Variants in PLEKHG1 observed in about 807,000 individuals in gnomAD.
PLEKHG1 encodes the protein pleckstrin homology domain-containing family G member 1.
PLEKHG1 carries 44 observed loss-of-function variants against 100.8 expected under a neutral mutation model. The ratio of observed to expected loss-of-function variants is 0.44; its 90% CI spans 0.34 to 0.56. PLEKHG1 has a LOEUF of 0.56. PLEKHG1 is among the 20% of genes least tolerant of loss of function. The pLI is 0.01. For missense variants in PLEKHG1, 1,545 were observed against 1,720.9 expected (o/e 0.90, Z 1.81); for synonymous variants, 640 against 662.5 (o/e 0.97, Z 0.52).
chr6:150,716,107 C>CA (rs10592056), upstream of PLEKHG1, among the ~76,000 whole-genome samples: 4,738 of 137,020 alleles, frequency 0.035, 128 homozygotes, highest in African/African-American at 0.086. Context: ...GACTCCGTCT[C>CA]AAAAAAAAAA....
chr6:150,759,957 C>T (rs1327331502), intron 2 of PLEKHG1, among the ~76,000 whole-genome samples: 1 of 152,106 alleles, frequency 6.6e-6, no homozygotes, highest in Non-Finnish European at 1.5e-5. Context: ...GATCAAGCCA[C>T]TGCATTCTCA....
chr6:150,840,287 A>G (rs1282465224), exon 16 of PLEKHG1: 6 of 1,614,086 alleles, frequency 3.7e-6, no homozygotes, highest in African/African-American at 2.7e-5. Flanking sequence ...GGTCCCAGTC[A>G]TCTTCCTCCG....
chr6:150,825,386 T>G (rs73615050), intron 14 of PLEKHG1, among the ~76,000 whole-genome samples: 6,358 of 151,972 alleles, frequency 0.042, 158 homozygotes, highest in African/African-American at 0.073. Flanking sequence ...AGATCAGCCT[T>G]GGCAACATGG....
intron 11 of PLEKHG1, 73 bp downstream of exon 12, chr6:150,818,289 G>A: frequency 8.9e-7 from 1 of 1,126,594 alleles, no homozygotes; most frequent in South Asian, 1.3e-5. Flanking sequence ...CTATCTTAAA[G>A]TTCATGAAAA....
chr6:150,734,944 C>G (rs1782482869), intron 2 of PLEKHG1, among the ~76,000 whole-genome samples: 2 of 149,300 alleles, frequency 1.3e-5, no homozygotes, highest in South Asian at 2.1e-4. Context: ...AACTCACTCT[C>G]AATTGTAGTT....
chr6:150,710,299 C>T (rs1000985942), intron 3 of PLEKHG1, among the ~76,000 whole-genome samples: 1 of 152,220 alleles, frequency 6.6e-6, no homozygotes, highest in Non-Finnish European at 1.5e-5. Context: ...CAAACAGTGG[C>T]CTGACCACTG....
intron 3 of PLEKHG1, among the ~76,000 whole-genome samples, chr6:150,651,648 G>T (rs1349799669): frequency 6.6e-6 from 1 of 151,874 alleles, no homozygotes; most frequent in Non-Finnish European, 1.5e-5. Context: ...CACTTGCGAT[G>T]AGGAGTTCGA....
At chr6:150,818,050 C>G in intron 10 of PLEKHG1, 133 bp from the exon 12 acceptor site, 3 of 741,714 alleles carry the variant, frequency 4.0e-6, no homozygotes, top group Non-Finnish European at 6.9e-6. Flanking sequence ...TGTGTAAATG[C>G]TTAACATAAA....
chr6:150,632,309 T>TA (rs1198913680), intron 1 of PLEKHG1, among the ~76,000 whole-genome samples: 1 of 152,286 alleles, frequency 6.6e-6, no homozygotes, highest in African/African-American at 2.4e-5. Flanking sequence ...GGACTTTTTT[T>TA]AACAGTAGGG....
At chr6:150,818,666 C>T (rs1427737273) in intron 11 of PLEKHG1, among the ~76,000 whole-genome samples, 1 of 152,228 alleles carries the variant, frequency 6.6e-6, no homozygotes, top group Non-Finnish European at 1.5e-5. Flanking sequence ...CACATATGTG[C>T]ATATATTTCT....
intron 3 of PLEKHG1, among the ~76,000 whole-genome samples, chr6:150,694,333 A>G (rs975888013): frequency 6.6e-6 from 1 of 152,182 alleles, no homozygotes; most frequent in African/African-American, 2.4e-5. Context: ...TTTCTCAAGT[A>G]GGGATGATAG....
At chr6:150,611,179 C>CTTTA (rs1258853167) in intron 1 of PLEKHG1, among the ~76,000 whole-genome samples, 2 of 152,186 alleles carry the variant, frequency 1.3e-5, no homozygotes, top group Non-Finnish European at 2.9e-5. Flanking sequence ...TTTATGTCTA[C>CTTTA]TGTATAGTGG....
At chr6:150,615,976 G>A (rs1292075323) in intron 1 of PLEKHG1, among the ~76,000 whole-genome samples, 1 of 152,180 alleles carries the variant, frequency 6.6e-6, no homozygotes, top group Non-Finnish European at 1.5e-5. Flanking sequence ...AATATATGCA[G>A]TTATTTCCAC....
intron 2 of PLEKHG1, among the ~76,000 whole-genome samples, chr6:150,736,556 G>A (rs1782572770): frequency 6.6e-6 from 1 of 152,142 alleles, no homozygotes; most frequent in Non-Finnish European, 1.5e-5. Flanking sequence ...ATCACCTGAG[G>A]TCGGGAGTTC....
intron 3 of PLEKHG1, among the ~76,000 whole-genome samples, chr6:150,782,999 C>G (rs952427141): frequency 6.6e-6 from 1 of 152,046 alleles, no homozygotes; most frequent in East Asian, 1.9e-4. Flanking sequence ...TCATTATGAT[C>G]ATCATCATGG....
At chr6:150,711,521 C>G (rs1380721252) in intron 3 of PLEKHG1, among the ~76,000 whole-genome samples, 1 of 152,108 alleles carries the variant, frequency 6.6e-6, no homozygotes, top group Non-Finnish European at 1.5e-5. Context: ...GATGGGATGT[C>G]TGGTAACTAA....
At chr6:150,633,651 CTG>C (rs1271991613) in intron 1 of PLEKHG1, among the ~76,000 whole-genome samples, 6 of 152,118 alleles carry the variant, frequency 3.9e-5, no homozygotes, top group Non-Finnish European at 7.4e-5. Context: ...AGAAGCCTGA[CTG>C]GGGTCAGAGA....
At chr6:150,731,314 G>C (rs1782240538) in intron 1 of PLEKHG1, among the ~76,000 whole-genome samples, 1 of 152,188 alleles carries the variant, frequency 6.6e-6, no homozygotes, top group Non-Finnish European at 1.5e-5. Flanking sequence ...CTTTAAAAAT[G>C]TGTGGCAAAC....
chr6:150,736,770 A>AAAAAACAAAAAC (rs376473228), intron 2 of PLEKHG1, among the ~76,000 whole-genome samples: 1 of 151,996 alleles, frequency 6.6e-6, no homozygotes, highest in Non-Finnish European at 1.5e-5. Context: ...CTCCATCTTT[A>AAAAAACAAAAAC]AAAAACAAAA....
Sources: gnomAD v4.1 joint callset for allele counts (sites outside exome capture counted in the v4.1 genomes callset) on GRCh38, gnomAD v4.1.1 for gene constraint, MANE v1.5 for transcripts, NCBI Gene and HGNC (gene_info 2026-07-23, HGNC 2026-07-21) for gene names.